The following JPH2 variants were observed in gnomAD, a reference collection of about 807,000 sequenced individuals.
JPH2 encodes junctophilin 2, also known as junctophilin-2.
JPH2 carries 38 observed loss-of-function variants against 55.9 expected under a neutral mutation model. The ratio of observed to expected loss-of-function variants is 0.68; its 90% confidence interval spans 0.52 to 0.89. JPH2 has a LOEUF of 0.89. Ranked by LOEUF, JPH2 falls within the 40% of genes least tolerant of loss-of-function variation. The pLI, the probability that JPH2 is intolerant of heterozygous loss-of-function variation, is 0.00. For synonymous variants in JPH2, 480 were observed against 472.4 expected (o/e 1.02, Z -0.21); for missense variants, 964 against 1,037.6 (o/e 0.93, Z 0.97).
In JPH2 at chr20:44,123,130, C is replaced by T. The variant is rs116417415; in HGVS notation, c.1170-4507G>A. 9.0e-3 allele frequency among the ~76,000 whole-genome samples: 1,373 copies of T among 152,260 alleles called. 25 individuals carry two copies. Among genetic ancestry groups the T allele is most frequent in the African/African-American group, 0.032 (1,318 of 41,538 alleles). Reference sequence around the variant, plus strand: ...GCCCAGGGCAATGAGGGCTGCTGTGCTGGAAGCAAGCATACTCCCTGTCCA... The same window carrying T: ...GCCCAGGGCAATGAGGGCTGCTGTGTTGGAAGCAAGCATACTCCCTGTCCA... On this transcript the variant is annotated intron_variant, in intron 2 of 5. Transcript: ENST00000372980.
chr20:44,118,927 T>A (rs1211288760), intron 2 of JPH2, among the ~76,000 whole-genome samples: 13 of 152,234 alleles, frequency 8.5e-5, no homozygotes. Context: ...GCTTGGCCCA[T>A]AAAAACTTCT....
At chr20:44,181,469 T>C (rs764180603) in intron 1 of JPH2, among the ~76,000 whole-genome samples, 4 of 152,220 alleles carry the variant, frequency 2.6e-5, no homozygotes, top group Non-Finnish European at 5.9e-5. Flanking sequence ...TGTTCTTTCC[T>C]TTTGAAAAAT....
At chr20:44,124,592 T>G (rs2145845054) in intron 2 of JPH2, among the ~76,000 whole-genome samples, 1 of 151,074 alleles carries the variant, frequency 6.6e-6, no homozygotes, top group African/African-American at 2.4e-5. Flanking sequence ...GGCAGGAGGA[T>G]CACTTGAGGC....
chr20:44,177,044 TG>T, intron 1 of JPH2: 1 of 985,406 alleles, frequency 1.0e-6, no homozygotes, highest in Non-Finnish European at 1.2e-6. Context: ...CTAGCACACC[TG>T]GGCTGCTCTG....
chr20:44,112,718 A>G lies in JPH2; in HGVS notation c.*800T>C, dbSNP rs1369584231. ...CATCCCAAGCACACGGGAAACCCCA[A>G]ATGCAATCCCAGTCTCAGACACACT... On this transcript the variant is annotated 3_prime_UTR_variant, in exon 6 of 6. Transcript: ENST00000372980. The G allele has an allele frequency of 1.3e-5, 2 of 152,334 alleles. No homozygotes were observed. The highest frequency in any genetic ancestry group is 2.4e-5 in the African/African-American group (1 of 41,418). 9.4% of individuals were successfully genotyped at this position (152,334 alleles called of 1,614,324 possible).
chr20:44,134,861 TATA>T (rs1434538145), intron 2 of JPH2, among the ~76,000 whole-genome samples: 6 of 38,028 alleles, frequency 1.6e-4, no homozygotes, highest in Non-Finnish European at 2.6e-4. Flanking sequence ...TAAATATATA[TATA>T]AATATATATA....
In JPH2 at chr20:44,159,780, C is replaced by T. The variant is rs962940145; in HGVS notation, c.1007G>A (p.Arg336His). The T allele has an allele frequency of 1.2e-6, 2 of 1,613,054 alleles. No homozygotes were observed. Among genetic ancestry groups the T allele is most frequent in the African/African-American group, 1.3e-5 (1 of 74,936 alleles). ...YGCTTLPDGH[R>H]EEGKYRHNVL... The stretch of plus-strand genomic sequence containing the variant: ...GTTGTGGCGGTACTTGCCCTCCTCG[C>T]GGTGGCCGTCGGGCAGCGTGGTGCA... The change falls in exon 2 of 6, where the codon CGC becomes CAC. Residue 336 changes from arginine (R) to histidine (H), a missense_variant. Arg to His is a conservative substitution (Grantham distance 29). Transcript: ENST00000372980. The surrounding 1 kb of genome is among the most constrained non-coding windows in gnomAD (Gnocchi z 5.7).
intron 1 of JPH2, among the ~76,000 whole-genome samples, chr20:44,179,732 A>C (rs933046800): frequency 2.0e-5 from 3 of 152,210 alleles, no homozygotes; most frequent in African/African-American, 4.8e-5. Flanking sequence ...ATCATTGTTT[A>C]CCATTTATTA....
At chr20:44,183,946 G>T (rs957704940) in intron 1 of JPH2, among the ~76,000 whole-genome samples, 1 of 151,964 alleles carries the variant, frequency 6.6e-6, no homozygotes, top group Non-Finnish European at 1.5e-5. Context: ...GAGGTCAGGA[G>T]TTCAAGACCA....
chr20:44,126,188 A>AAGGAAGGAAGGGAGGG (rs796524844), intron 2 of JPH2, among the ~76,000 whole-genome samples: 3 of 95,686 alleles, frequency 3.1e-5, no homozygotes, highest in African/African-American at 1.2e-4. Context: ...GGAAGGAAGG[A>AAGGAAGGAAGGGAGGG]AGGGAGGAAG....
chr20:44,185,839 A>C (rs2072834045), intron 1 of JPH2, among the ~76,000 whole-genome samples: 1 of 151,682 alleles, frequency 6.6e-6, no homozygotes, highest in South Asian at 2.1e-4. Flanking sequence ...GGATGAATGG[A>C]TGGATGGACG....
chr20:44,128,013 T>G (rs2072289897), intron 2 of JPH2, among the ~76,000 whole-genome samples: 2 of 152,246 alleles, frequency 1.3e-5, no homozygotes, highest in Admixed American at 1.3e-4. Flanking sequence ...TATATTCTTA[T>G]GCAAGTCACT....
chr20:44,170,943 G>C (rs1175945747), intron 1 of JPH2, among the ~76,000 whole-genome samples: 1 of 152,208 alleles, frequency 6.6e-6, no homozygotes, highest in Non-Finnish European at 1.5e-5. Context: ...CACCCTATCT[G>C]TCTAGTCCAA....
intron 2 of JPH2, among the ~76,000 whole-genome samples, chr20:44,125,877 A>G (rs1012700327): frequency 6.6e-5 from 10 of 152,096 alleles, no homozygotes; most frequent in African/African-American, 2.4e-4. Context: ...GTGGCTCAGA[A>G]CACAGGAAGT....
chr20:44,134,443 A>AAAT (rs377281265), intron 2 of JPH2, among the ~76,000 whole-genome samples: 28 of 21,188 alleles, frequency 1.3e-3, no homozygotes, highest in South Asian at 2.5e-3. Context: ...AAATATATAT[A>AAAT]AATATATATT....
rs1040013124 is a variant in JPH2 at position 44,159,429 on chromosome 20, T to G, written c.1169+189A>C. Among the ~76,000 whole-genome samples, 5 of 152,002 alleles carry G rather than the reference T, an allele frequency of 3.3e-5. No homozygotes were observed. The highest frequency in any genetic ancestry group is 1.2e-4 in the African/African-American group (5 of 41,372). Reference sequence around the variant, plus strand: ...AGTCAGTGGAAGGGCTGGGTGTAACTGAGTGATGGATGGATGGGTGAGTGA... The same window carrying G: ...AGTCAGTGGAAGGGCTGGGTGTAACGGAGTGATGGATGGATGGGTGAGTGA... On this transcript the variant is annotated intron_variant, in intron 2 of 5. Coordinates refer to ENST00000372980, the MANE Select transcript of JPH2 (RefSeq NM_020433.5). The surrounding 1 kb of genome is among the most constrained non-coding windows in gnomAD (Gnocchi z 5.7).
At chr20:44,123,111 G>C (rs1001875829) in intron 2 of JPH2, among the ~76,000 whole-genome samples, 3 of 152,130 alleles carry the variant, frequency 2.0e-5, no homozygotes, top group Non-Finnish European at 1.5e-5. Context: ...CACAGCCCAG[G>C]GCAATGAGGG....
rs2145904718 is a variant in JPH2, at chr20:44,185,626, A to T, written c.379+701T>A. Reference sequence around the variant, plus strand: ...CTCCAGCCTGGGCAACAGAACGAGAACTTGTCTTGGAAAAAAAAAAAAAGA... The same window carrying T: ...CTCCAGCCTGGGCAACAGAACGAGATCTTGTCTTGGAAAAAAAAAAAAAGA... On this transcript the variant is annotated intron_variant, in intron 1 of 5. Coordinates refer to ENST00000372980, the MANE Select transcript of JPH2 (RefSeq NM_020433.5). Among the ~76,000 whole-genome samples the T allele has an allele frequency of 1.4e-5, 2 of 141,386 alleles. 1 individual carries two copies. Among genetic ancestry groups the T allele is most frequent in the South Asian group, 5.1e-4 (2 of 3,900 alleles). The allele number at this position is 141,386 out of a possible 152,430, so 92.8% of individuals were successfully genotyped here.
chr20:44,118,614 G>T lies in JPH2; in HGVS notation c.1179C>A (p.His393Gln). 6.2e-7 allele frequency: 1 copy of T among 1,609,624 alleles called. No individual in the cohort carries two copies. Residue 393 changes from histidine to glutamine, a missense_variant, in exon 3 of 6, where the codon CAC (histidine) becomes CAA (glutamine). His to Gln is a conservative substitution (Grantham distance 24). Coordinates refer to ENST00000372980, the MANE Select transcript of JPH2 (RefSeq NM_020433.5). Reference sequence around the variant, plus strand: ...CCGCTGCCTCAGCTTTGGCCTTGGCGTGGCTTGTCCTATGGAGACAATGTG... The same window carrying T: ...CCGCTGCCTCAGCTTTGGCCTTGGCTTGGCTTGTCCTATGGAGACAATGTG... The part of the protein sequence containing the change: ...KAEIAASRTS[H>Q]AKAKAEAAEQ...
Sources: gnomAD v4.1 joint callset for allele counts (sites outside exome capture counted in the v4.1 genomes callset) on GRCh38, gnomAD v4.1.1 for gene constraint, Gnocchi (gnomAD v3.1) non-coding constraint, MANE v1.5 for transcripts, NCBI Gene and HGNC (gene_info 2026-07-23, HGNC 2026-07-21) for gene names.